The following DENND2A variants were observed in gnomAD, a reference collection of about 807,000 sequenced individuals.
The protein encoded by DENND2A is DENN domain-containing protein 2A.
DENND2A carries 53 observed loss-of-function variants against 105.3 expected under a neutral mutation model. The ratio of observed to expected loss-of-function variants is 0.50; its 90% CI spans 0.40 to 0.63. The LOEUF (loss-of-function observed/expected upper bound fraction) is 0.63, where lower values mean the gene tolerates loss of function less well. Ranked by LOEUF, DENND2A falls within the 30% of genes least tolerant of loss-of-function variation. The pLI, the probability that DENND2A is intolerant of heterozygous loss-of-function variation, is 0.00. For synonymous variants in DENND2A, 522 were observed against 508.4 expected, an observed-to-expected ratio of 1.03 and a Z score of -0.36; for missense variants, 1,138 against 1,279.6, an observed-to-expected ratio of 0.89 and a Z score of 1.69.
chr7:140,533,482 AG>A (rs528080469), intron 14 of DENND2A, among the ~76,000 whole-genome samples: 188 of 152,244 alleles, frequency 1.2e-3, no homozygotes, highest in African/African-American at 4.3e-3. Context: ...GCCCTGGTTC[AG>A]CTGCAGTGAG....
At position 140,527,997 on chromosome 7, in the gene DENND2A, C is replaced by T. The variant is rs1429339705; in HGVS notation, c.2328-502G>A. On this transcript the variant is annotated intron_variant, in intron 14 of 19. Transcript: ENST00000496613. The surrounding 1 kb of genome is among the most constrained non-coding windows in gnomAD (Gnocchi z 4.9). The stretch of plus-strand genomic sequence containing the variant: ...CTGGGACTGCAGGCACGCGCCACCA[C>T]ACCTGGCTAATTTTTGCATTTTTAG... 1.3e-5 allele frequency among the ~76,000 whole-genome samples: 2 copies of T among 151,882 alleles called. No homozygotes were observed. The highest frequency in any genetic ancestry group is 4.8e-5 in the African/African-American group (2 of 41,360).
At chr7:140,562,273 G>A (rs1405172050) in intron 9 of DENND2A, among the ~76,000 whole-genome samples, 1 of 152,140 alleles carries the variant, frequency 6.6e-6, no homozygotes, top group East Asian at 1.9e-4. Flanking sequence ...TGGTCAACAA[G>A]CCTTCCCAAG....
chr7:140,595,035 T>C (rs891662390), intron 3 of DENND2A, among the ~76,000 whole-genome samples: 1 of 149,118 alleles, frequency 6.7e-6, no homozygotes, highest in South Asian at 2.1e-4. Context: ...TGAGATGGAG[T>C]CTTGCTCTGT....
chr7:140,569,128 G>T (rs1174377171), intron 7 of DENND2A, among the ~76,000 whole-genome samples: 1 of 152,154 alleles, frequency 6.6e-6, no homozygotes, highest in Non-Finnish European at 1.5e-5. Context: ...GTTTTGCCAT[G>T]TTGGCCAGGC....
chr7:140,564,671 G>GA lies in DENND2A; in HGVS notation c.1779+2414dup, dbSNP rs1193164914. Among the ~76,000 whole-genome samples, 23 of 152,114 alleles carry GA rather than the reference G, an allele frequency of 1.5e-4. No individual in the cohort carries two copies. In the East Asian group the frequency reaches 4.2e-3, roughly 28 times the overall value. ...ACAGTGAATGTGCAACTTTACTCTA[G>GA]AAAAAAAATTTAATGTGGGTGACTC... is the stretch of plus-strand genomic sequence containing the variant. On this transcript the variant is annotated intron_variant, in intron 9 of 19. Transcript: ENST00000496613.
At chr7:140,550,787 G>A (rs867072298) in intron 12 of DENND2A, among the ~76,000 whole-genome samples, 1 of 152,088 alleles carries the variant, frequency 6.6e-6, no homozygotes, top group Admixed American at 6.6e-5. Context: ...TCTGTTGGGG[G>A]AGATGAAAAA....
Position 140,602,539 on chromosome 7 carries a change from G to A in DENND2A, c.-142C>T. 1.3e-6 allele frequency: 1 copy of A among 788,848 alleles called. No homozygotes were observed. Among genetic ancestry groups the A allele is most frequent in the Non-Finnish European group, 1.8e-6 (1 of 546,550 alleles). 48.9% of individuals were successfully genotyped at this position (788,848 alleles called of 1,614,324 possible). On this transcript the variant is annotated 5_prime_UTR_variant, in exon 3 of 20. Transcript: ENST00000496613. ...TCTCAGTCCTTGGACCTTCCACCTT[G>A]ACCCTGCACAAGAAAGACAAACACC...
At chr7:140,558,682 C>T (rs1388383400) in intron 10 of DENND2A, among the ~76,000 whole-genome samples, 1 of 127,264 alleles carries the variant, frequency 7.9e-6, no homozygotes, top group Non-Finnish European at 1.6e-5. Context: ...GGGGAAGAAG[C>T]GAGACTCTAT....
intron 9 of DENND2A, among the ~76,000 whole-genome samples, chr7:140,562,245 C>G (rs1488341425): frequency 6.6e-6 from 1 of 152,132 alleles, no homozygotes; most frequent in Non-Finnish European, 1.5e-5. Flanking sequence ...AGCCAGCAGT[C>G]CTGTTCACTG....
At chr7:140,575,402 G>A (rs902894355) in intron 5 of DENND2A, among the ~76,000 whole-genome samples, 6 of 152,152 alleles carry the variant, frequency 3.9e-5, no homozygotes, top group Non-Finnish European at 8.8e-5. Context: ...ACAGCTCTAC[G>A]GAGGGCAGTC....
chr7:140,568,931 C>T, intron 7 of DENND2A, 118 bp from the exon 8 acceptor site: 8 of 769,568 alleles, frequency 1.0e-5, no homozygotes, highest in South Asian at 4.0e-5. Context: ...TGAGTTGCCT[C>T]TTTTTTTTTT....
intron 3 of DENND2A, among the ~76,000 whole-genome samples, chr7:140,591,982 C>T (rs1199504953): frequency 3.9e-5 from 2 of 51,144 alleles, no homozygotes; most frequent in African/African-American, 8.5e-5. Context: ...TCCCCTCTCC[C>T]TCCTCTCCCC....
Position 140,562,698 on chromosome 7 carries a change from C to T in DENND2A, c.1780-2881G>A, listed in dbSNP as rs866605491. Among the ~76,000 whole-genome samples the T allele has an allele frequency of 7.9e-5, 12 of 151,348 alleles. No homozygotes were observed. The South Asian group carries it at 1.2e-3, about 16-fold the overall frequency. ...ACAAAACAACAACAACAAAAAAACC[C>T]GCTTCCAGTATGATTCCCCTCAGGC... On this transcript the variant is annotated intron_variant, in intron 9 of 19. Transcript: ENST00000496613.
intron 11 of DENND2A, among the ~76,000 whole-genome samples, chr7:140,557,570 C>T (rs372294961): frequency 1.3e-5 from 1 of 75,260 alleles, no homozygotes; most frequent in Non-Finnish European, 2.4e-5. Context: ...GACGGAGTTT[C>T]GCTCTGTCGC....
intron 3 of DENND2A, among the ~76,000 whole-genome samples, chr7:140,600,475 G>T (rs1799444008): frequency 6.6e-6 from 1 of 152,146 alleles, no homozygotes; most frequent in African/African-American, 2.4e-5. Flanking sequence ...AGGAGCCAGA[G>T]AAGCAGGACT....
At chr7:140,616,387 A>G (rs909184284) in intron 1 of DENND2A, among the ~76,000 whole-genome samples, 2 of 152,116 alleles carry the variant, frequency 1.3e-5, no homozygotes, top group Non-Finnish European at 2.9e-5. Flanking sequence ...GAATAGGCCA[A>G]TCCACAGAGA....
chr7:140,607,108 C>T lies in DENND2A; in HGVS notation c.-247-1302G>A, dbSNP rs373479141. ...ATCAAGATACTGGGTATTTACGTTA[C>T]GTTTCCAGGGAAGCCCTCTCCCAAC... On this transcript the variant is annotated intron_variant, in intron 1 of 19. Coordinates refer to ENST00000496613, the MANE Select transcript of DENND2A (RefSeq NM_015689.5). Among the ~76,000 whole-genome samples, 131 of 152,308 alleles carry T rather than the reference C, an allele frequency of 8.6e-4. 4 individuals carry two copies. In the South Asian group the frequency reaches 0.023, roughly 26 times the overall value.
At chr7:140,585,125 G>T (rs1351218652) in intron 5 of DENND2A, among the ~76,000 whole-genome samples, 1 of 152,202 alleles carries the variant, frequency 6.6e-6, no homozygotes, top group Non-Finnish European at 1.5e-5. Context: ...CTGAGTCCAG[G>T]AGTTCAAGGC....
intron 1 of DENND2A, among the ~76,000 whole-genome samples, chr7:140,630,609 C>T (rs1251314517): frequency 1.3e-5 from 2 of 152,012 alleles, no homozygotes; most frequent in African/African-American, 4.8e-5. Flanking sequence ...CTTTGGGAAG[C>T]CAAGGCGGGC....
Sources: gnomAD v4.1 joint callset for allele counts (sites outside exome capture counted in the v4.1 genomes callset) on GRCh38, gnomAD v4.1.1 for gene constraint, Gnocchi (gnomAD v3.1) non-coding constraint, MANE v1.5 for transcripts, NCBI Gene and HGNC (gene_info 2026-07-23, HGNC 2026-07-21) for gene names.